HLCS: variants seen among roughly 807,000 people sequenced by gnomAD.
HLCS encodes holocarboxylase synthetase, also known as biotin--protein ligase.
A neutral mutation model predicts 75.0 loss-of-function variants in HLCS; 53 were observed. The ratio of observed to expected loss-of-function variants is 0.71; its 90% CI spans 0.57 to 0.89. The LOEUF is 0.89. Among genes scored for constraint, HLCS ranks in the 40% least tolerant of loss-of-function variants. The probability of loss-of-function intolerance (pLI) is 0.00; values close to 1 mark genes in which losing one functional copy is unlikely to be tolerated. For missense variants in HLCS, 966 were observed against 1,074.0 expected (o/e 0.90, Z 1.41); for synonymous variants, 431 against 428.6 (o/e 1.01, Z -0.07).
At chr21:36,760,536 G>A (rs1320160724) in intron 8 of HLCS, among the ~76,000 whole-genome samples, 2 of 152,028 alleles carry the variant, frequency 1.3e-5, no homozygotes, top group African/African-American at 2.4e-5. Flanking sequence ...TGCGAACCCG[G>A]GAGGCGGAGG....
chr21:36,885,259 C>A (rs1282596749), intron 6 of HLCS, among the ~76,000 whole-genome samples: 1 of 152,194 alleles, frequency 6.6e-6, no homozygotes, highest in Non-Finnish European at 1.5e-5. Flanking sequence ...ATAATCCCAG[C>A]ACTTTGGGAG....
intron 6 of HLCS, among the ~76,000 whole-genome samples, chr21:36,777,412 C>T (rs906213954): frequency 1.3e-5 from 2 of 152,264 alleles, no homozygotes; most frequent in Admixed American, 1.3e-4. Context: ...CGAAAACTGG[C>T]AGCAGGCCAG....
chr21:36,823,685 T>C (rs1311748889), intron 6 of HLCS, among the ~76,000 whole-genome samples: 1 of 149,626 alleles, frequency 6.7e-6, no homozygotes, highest in African/African-American at 2.5e-5. Flanking sequence ...TGCTATATAA[T>C]TTATTTTATA....
intron 6 of HLCS, among the ~76,000 whole-genome samples, chr21:36,833,002 G>C (rs960515768): frequency 4.6e-5 from 7 of 151,796 alleles, no homozygotes; most frequent in African/African-American, 1.7e-4. Flanking sequence ...GGAATACCAT[G>C]AGACAGAGGC....
At chr21:36,911,995 C>CA (rs1252903492) in intron 5 of HLCS, among the ~76,000 whole-genome samples, 2 of 149,846 alleles carry the variant, frequency 1.3e-5, no homozygotes, top group African/African-American at 4.9e-5. Flanking sequence ...CGCTTGAACC[C>CA]AGGAGGCGGA....
intron 6 of HLCS, among the ~76,000 whole-genome samples, chr21:36,795,781 C>T (rs971991642): frequency 1.3e-5 from 2 of 152,196 alleles, no homozygotes; most frequent in Non-Finnish European, 2.9e-5. Context: ...ATTAATTCCT[C>T]CCCCAGTGCC....
chr21:36,956,945 T>G (rs1361032034), intron 2 of HLCS, among the ~76,000 whole-genome samples: 2 of 148,280 alleles, frequency 1.3e-5, no homozygotes, highest in African/African-American at 5.0e-5. Context: ...TCCAGCTACT[T>G]GGGAGGCTGA....
intron 6 of HLCS, among the ~76,000 whole-genome samples, chr21:36,768,144 G>A (rs2090107642): frequency 6.6e-6 from 1 of 152,224 alleles, no homozygotes; most frequent in South Asian, 2.1e-4. Context: ...GTTCGAGGTA[G>A]GATTCATCAA....
Position 36,881,791 on chromosome 21 carries a change from T to A in HLCS, c.1892+15069A>T, listed in dbSNP as rs191613799. On this transcript the variant is annotated intron_variant, in intron 6 of 10. Coordinates refer to ENST00000674895, the MANE Select transcript of HLCS (RefSeq NM_001352514.2). ...TGTCCATACCCTGAGGAACCTGGCC[T>A]CTGAGAAGGCTCCCAGGACCCATGT... 3.3e-3 allele frequency among the ~76,000 whole-genome samples: 497 copies of A among 152,296 alleles called. 3 individuals carry two copies. The highest frequency in any genetic ancestry group is 0.012 in the African/African-American group (481 of 41,584).
intron 6 of HLCS, among the ~76,000 whole-genome samples, chr21:36,831,849 T>A (rs2062222438): frequency 6.6e-6 from 1 of 152,150 alleles, no homozygotes; most frequent in African/African-American, 2.4e-5. Flanking sequence ...ATATTTCAGT[T>A]TCAGAACTGG....
chr21:36,855,652 C>T (rs2063166419), intron 6 of HLCS, among the ~76,000 whole-genome samples: 1 of 150,944 alleles, frequency 6.6e-6, no homozygotes, highest in Admixed American at 6.6e-5. Flanking sequence ...TCATGGCTAA[C>T]TGCAACCTCT....
intron 5 of HLCS, among the ~76,000 whole-genome samples, chr21:36,929,635 A>G (rs570132537): frequency 1.1e-3 from 164 of 152,342 alleles, no homozygotes; most frequent in Non-Finnish European, 2.0e-3. Flanking sequence ...GACAACAGAA[A>G]TAGACAAAAT....
chr21:36,956,574 A>G (rs951458042), intron 2 of HLCS, among the ~76,000 whole-genome samples: 2 of 151,806 alleles, frequency 1.3e-5, no homozygotes, highest in African/African-American at 2.4e-5. Context: ...TAAACATACA[A>G]AAAAAATTAG....
chr21:36,771,436 T>C (rs2060204990), intron 6 of HLCS, among the ~76,000 whole-genome samples: 2 of 152,130 alleles, frequency 1.3e-5, no homozygotes, highest in South Asian at 2.1e-4. Flanking sequence ...TTCTACAGAA[T>C]TGAAGCCTGA....
At chr21:36,824,313 C>G (rs1297175585) in intron 6 of HLCS, among the ~76,000 whole-genome samples, 2 of 151,984 alleles carry the variant, frequency 1.3e-5, no homozygotes, top group African/African-American at 4.8e-5. Flanking sequence ...AGCTGGACAC[C>G]ATCATCCTCA....
chr21:36,986,987 G>GT (rs1348252077), intron 1 of HLCS: 4 of 152,138 alleles, frequency 2.6e-5, no homozygotes, highest in Admixed American at 6.5e-5. Context: ...TTTATTCAAC[G>GT]TGATAATTCA....
chr21:36,802,811 T>A (rs1004183162), intron 6 of HLCS, among the ~76,000 whole-genome samples: 21 of 152,120 alleles, frequency 1.4e-4, no homozygotes, highest in African/African-American at 4.8e-4. Context: ...CCCACACAAT[T>A]CAACGGAACA....
rs577057256 is a variant in HLCS, at chr21:36,833,867, G to A, written c.1892+62993C>T. On this transcript the variant is annotated intron_variant, in intron 6 of 10. Transcript: ENST00000674895. ...CAAAATTTGCTCACGAGCTATGGACGTGAGTTTTGGGAAGAGATGATTCTC... is the reference window on the plus strand; with the variant it reads ...CAAAATTTGCTCACGAGCTATGGACATGAGTTTTGGGAAGAGATGATTCTC... Among the ~76,000 whole-genome samples, 43 of 152,248 alleles carry A rather than the reference G, an allele frequency of 2.8e-4. 1 individual carries two copies. In the South Asian group the frequency reaches 8.5e-3, roughly 30 times the overall value.
At chr21:36,862,104 TG>T (rs1283925709) in intron 6 of HLCS, among the ~76,000 whole-genome samples, 11 of 152,268 alleles carry the variant, frequency 7.2e-5, no homozygotes, top group Admixed American at 6.5e-4. Flanking sequence ...GGTTCATCCA[TG>T]GTACAGCATG....
Sources: allele counts gnomAD v4.1 joint callset (sites outside exome capture counted in the v4.1 genomes callset), GRCh38; gene constraint gnomAD v4.1.1; transcripts MANE v1.5; gene names NCBI Gene and HGNC (gene_info 2026-07-23, HGNC 2026-07-21).